MEOX1: variants seen among roughly 807,000 people sequenced by gnomAD.
MEOX1 encodes mesenchyme homeobox 1.
In MEOX1, 17 loss-of-function variants were observed where a neutral mutation model predicts 23.2. The ratio of observed to expected loss-of-function variants is 0.73; its 90% confidence interval spans 0.50 to 1.10. The LOEUF (loss-of-function observed/expected upper bound fraction) is 1.10. Ranked by LOEUF, MEOX1 falls within the 50% of genes least tolerant of loss-of-function variation. The pLI, the probability that MEOX1 is intolerant of heterozygous loss-of-function variation, is 0.00. For missense variants in MEOX1, 333 were observed against 332.2 expected, an observed-to-expected ratio of 1.00 and a Z score of -0.02; for synonymous variants, 134 against 135.1, an observed-to-expected ratio of 0.99 and a Z score of 0.06.
At chr17:43,648,466 C>CAAA (rs67553599) in intron 1 of MEOX1, among the ~76,000 whole-genome samples, 2 of 107,494 alleles carry the variant, frequency 1.9e-5, no homozygotes, top group African/African-American at 6.3e-5. Flanking sequence ...GACTCTGTCT[C>CAAA]AAAAAAAAAA....
At chr17:43,656,600 C>G (rs1021936226) in intron 1 of MEOX1, among the ~76,000 whole-genome samples, 2 of 152,138 alleles carry the variant, frequency 1.3e-5, no homozygotes, top group African/African-American at 4.8e-5. Flanking sequence ...AGACAAATCA[C>G]GTCTGATTAA....
Position 43,655,550 on chromosome 17 carries a change from A to T in MEOX1, c.469+5516T>A, listed in dbSNP as rs6503463. Among the ~76,000 whole-genome samples the T allele has an allele frequency of 6.1e-3, 930 of 151,262 alleles. 7 individuals carry two copies. Among genetic ancestry groups the T allele is most frequent in the African/African-American group, 0.021 (855 of 41,274 alleles). The stretch of plus-strand genomic sequence containing the variant: ...GTCTTCAGAAAGAAGGAGGCCAGGC[A>T]TGGTGGCTCACACCTATAATTCCAG... On this transcript the variant is annotated intron_variant, in intron 1 of 2. Transcript: ENST00000318579.
In MEOX1 at chr17:43,643,414, G is replaced by T. The variant is rs1019244745; in HGVS notation, c.642+74C>A. On this transcript the variant is annotated intron_variant, in intron 2 of 2. Coordinates refer to ENST00000318579, the MANE Select transcript of MEOX1 (RefSeq NM_004527.4). Reference sequence around the variant, plus strand: ...AGGAAGAAAAAGGAGAAGGTCCAGGGAGGGGTGGTGGGAAAGGAGGGAAGG... The same window carrying T: ...AGGAAGAAAAAGGAGAAGGTCCAGGTAGGGGTGGTGGGAAAGGAGGGAAGG... 30 of 1,365,880 alleles carry T rather than the reference G, an allele frequency of 2.2e-5. No homozygotes were observed. The Admixed American group carries it at 6.5e-4, about 30-fold the overall frequency. The allele number at this position is 1,365,880 out of a possible 1,614,324, so 84.6% of individuals were successfully genotyped here.
intron 1 of MEOX1, among the ~76,000 whole-genome samples, chr17:43,645,469 G>A (rs1972789634): frequency 6.6e-6 from 1 of 152,112 alleles, no homozygotes; most frequent in Non-Finnish European, 1.5e-5. Flanking sequence ...GAGCCACTGC[G>A]CCCGGTCCAT....
intron 1 of MEOX1, among the ~76,000 whole-genome samples, chr17:43,652,479 G>A (rs1213048721): frequency 6.6e-6 from 1 of 152,164 alleles, no homozygotes; most frequent in Non-Finnish European, 1.5e-5. Context: ...GGGTTACCAA[G>A]TGTTGGCTGT....
chr17:43,648,220 A>G (rs1464706745), intron 1 of MEOX1, among the ~76,000 whole-genome samples: 2 of 152,206 alleles, frequency 1.3e-5, no homozygotes, highest in Non-Finnish European at 2.9e-5. Flanking sequence ...CTGTAATCCC[A>G]GCACTTTGGG....
In MEOX1 at chr17:43,641,669, G is replaced by A. The variant is rs1177363877; in HGVS notation, c.*241C>T. ...ATTCATCCGGCCCGGTAGGATCTCTGTCTGATTCCATGAGAGTGTGGGAGC... is the reference window on the plus strand; with the variant it reads ...ATTCATCCGGCCCGGTAGGATCTCTATCTGATTCCATGAGAGTGTGGGAGC... On this transcript the variant is annotated 3_prime_UTR_variant, in exon 3 of 3. Transcript: ENST00000318579. 2.2e-6 allele frequency: 1 copy of A among 448,024 alleles called. No individual in the cohort carries two copies. The highest frequency in any genetic ancestry group is 3.9e-5 in the Admixed American group (1 of 25,530). 27.8% of individuals were successfully genotyped at this position (448,024 alleles called of 1,614,324 possible).
At chr17:43,650,698 G>T (rs1372083017) in intron 1 of MEOX1, among the ~76,000 whole-genome samples, 2 of 152,208 alleles carry the variant, frequency 1.3e-5, no homozygotes, top group African/African-American at 2.4e-5. Flanking sequence ...GGTGTCTGTG[G>T]CTTCCTGCAC....
chr17:43,659,168 T>C (rs1267813767), intron 1 of MEOX1, among the ~76,000 whole-genome samples: 1 of 150,748 alleles, frequency 6.6e-6, no homozygotes, highest in African/African-American at 2.5e-5. Flanking sequence ...GGCTTTGCTA[T>C]CCCTTCCCAA....
intron 1 of MEOX1, among the ~76,000 whole-genome samples, chr17:43,659,785 G>A (rs552552703): frequency 2.6e-5 from 4 of 152,294 alleles, no homozygotes; most frequent in African/African-American, 9.6e-5. Flanking sequence ...AAGAGCTGAC[G>A]TCAGTATCCC....
chr17:43,649,978 G>A (rs1278482522), intron 1 of MEOX1, among the ~76,000 whole-genome samples: 1 of 152,196 alleles, frequency 6.6e-6, no homozygotes. Context: ...AAAGTGAGCA[G>A]ACAGCTTTAT....
chr17:43,642,174 C>T, intron 2 of MEOX1, 142 bp from the exon 3 acceptor site: 1 of 849,172 alleles, frequency 1.2e-6, no homozygotes, highest in Non-Finnish European at 1.8e-6. Flanking sequence ...CCTCAAAGGC[C>T]CCAGGAACTA....
Position 43,641,901 on chromosome 17 carries a change from T to G in MEOX1, c.*9A>C. 6.2e-7 allele frequency: 1 copy of G among 1,610,992 alleles called. No individual in the cohort carries two copies. The highest frequency in any genetic ancestry group is 1.1e-5 in the South Asian group (1 of 90,508). ...TCAGTCCTTAGTCATTTTTCCTCCA[T>G]GCAGAATCTCACTCTGAACTTGGAG... is the stretch of plus-strand genomic sequence containing the variant. On this transcript the variant is annotated 3_prime_UTR_variant, in exon 3 of 3. Transcript: ENST00000318579.
chr17:43,645,324 C>G (rs1428793087), intron 1 of MEOX1, among the ~76,000 whole-genome samples: 1 of 151,832 alleles, frequency 6.6e-6, no homozygotes, highest in Non-Finnish European at 1.5e-5. Flanking sequence ...CTACAGGCGC[C>G]CGCCACCACG....
chr17:43,655,660 TAAAAA>T lies in MEOX1; in HGVS notation c.469+5401_469+5405del, dbSNP rs57762377. Among the ~76,000 whole-genome samples the T allele has an allele frequency of 5.8e-3, 440 of 75,614 alleles. 2 individuals carry two copies. The highest frequency in any genetic ancestry group is 0.023 in the African/African-American group (395 of 17,332). The allele number at this position is 75,614 out of a possible 152,430, so 49.6% of individuals were successfully genotyped here. On this transcript the variant is annotated intron_variant, in intron 1 of 2. Transcript: ENST00000318579. ...GCAGCATAGCAAGACCCTGTCTTTC[TAAAAA>T]AAAAAAAAAAAAAAAAAAAAAGAAG... is the stretch of plus-strand genomic sequence containing the variant.
chr17:43,651,254 G>T (rs551755526), intron 1 of MEOX1, among the ~76,000 whole-genome samples: 505 of 152,326 alleles, frequency 3.3e-3, no homozygotes, highest in African/African-American at 0.012. Context: ...GGGAGGCCGA[G>T]CTTGCAGGAA....
chr17:43,652,121 G>A (rs1000599253), intron 1 of MEOX1, among the ~76,000 whole-genome samples: 1 of 152,178 alleles, frequency 6.6e-6, no homozygotes, highest in East Asian at 1.9e-4. Context: ...TGCCCAGAGG[G>A]ATACTGGCTG....
In MEOX1 at chr17:43,640,504, A is replaced by T. The variant is rs146427984; in HGVS notation, c.*1406T>A. 6.6e-6 allele frequency: 1 copy of T among 152,366 alleles called. No individual in the cohort carries two copies. The highest frequency in any genetic ancestry group is 2.4e-5 in the African/African-American group (1 of 41,580). 9.4% of individuals were successfully genotyped at this position (152,366 alleles called of 1,614,324 possible). A position where few individuals can be genotyped will look rare whatever the true frequency, so the allele number is the denominator to read the frequency against. The stretch of plus-strand genomic sequence containing the variant: ...TATGAAGTATGCTTTAGAAAAAATC[A>T]TGCTCTAACCAGCCATCTCATTTGG... On this transcript the variant is annotated 3_prime_UTR_variant, in exon 3 of 3. Coordinates refer to ENST00000318579, the MANE Select transcript of MEOX1 (RefSeq NM_004527.4).
intron 1 of MEOX1, among the ~76,000 whole-genome samples, chr17:43,660,157 C>T (rs1415570591): frequency 1.3e-5 from 2 of 152,178 alleles, no homozygotes; most frequent in African/African-American, 2.4e-5. Context: ...GGACAAGGAA[C>T]CAGACAAAAG....
Sources: allele counts gnomAD v4.1 joint callset (sites outside exome capture counted in the v4.1 genomes callset), GRCh38; gene constraint gnomAD v4.1.1; transcripts MANE v1.5; gene names NCBI Gene and HGNC (gene_info 2026-07-23, HGNC 2026-07-21).